Variants in TG observed in about 807,000 individuals in gnomAD.
The protein encoded by TG is thyroglobulin.
In TG, 270 loss-of-function variants were observed where a neutral mutation model predicts 324.7. That is an observed-to-expected ratio of 0.83 (90% CI 0.75 to 0.92). The LOEUF is 0.92. Among genes scored for constraint, TG ranks in the 40% least tolerant of loss-of-function variants. The probability of loss-of-function intolerance (pLI) is 0.00; values close to 1 mark genes in which losing one functional copy is unlikely to be tolerated. For missense variants in TG, 3,591 were observed against 3,456.4 expected, an observed-to-expected ratio of 1.04 and a Z score of -0.98; for synonymous variants, 1,401 against 1,327.0, an observed-to-expected ratio of 1.06 and a Z score of -1.21.
At chr8:132,868,284 C>A in intron 2 of TG, 61 bp downstream of exon 2, 1 of 1,463,876 alleles carries the variant, frequency 6.8e-7, no homozygotes. Context: ...GCATCTTGTG[C>A]CTTCCCCCCT....
intron 22 of TG, among the ~76,000 whole-genome samples, chr8:132,925,940 G>C (rs1821807796): frequency 6.6e-6 from 1 of 152,210 alleles, no homozygotes; most frequent in Non-Finnish European, 1.5e-5. Flanking sequence ...CTTTGATGAT[G>C]CCTCCCTGAG....
Position 132,867,015 on chromosome 8 carries a change from G to A in TG, c.15G>A (p.Leu5=). Residue 5 remains leucine (L), a synonymous_variant, in exon 1 of 48, where the codon CTG becomes CTA. Transcript: ENST00000220616. MALV[L]EIFTLLASIC... Reference sequence around the variant, plus strand: ...GGGCCAGGAAAATGGCCCTGGTCCTGGAGATCTTCACCCTGCTGGCCTCCA... The same window carrying A: ...GGGCCAGGAAAATGGCCCTGGTCCTAGAGATCTTCACCCTGCTGGCCTCCA... 1 of 1,598,790 alleles carries A rather than the reference G, an allele frequency of 6.3e-7. No homozygotes were observed. Among genetic ancestry groups the A allele is most frequent in the Non-Finnish European group, 8.5e-7 (1 of 1,171,422 alleles).
At chr8:133,012,786 G>A (rs1185143728) in intron 36 of TG, among the ~76,000 whole-genome samples, 4 of 152,216 alleles carry the variant, frequency 2.6e-5, no homozygotes, top group Admixed American at 2.6e-4. Flanking sequence ...ACCTCTGGGT[G>A]GTACCATTCA....
chr8:132,952,040 C>G (rs942416145), intron 27 of TG, among the ~76,000 whole-genome samples: 1 of 152,200 alleles, frequency 6.6e-6, no homozygotes, highest in African/African-American at 2.4e-5. Flanking sequence ...GGACTGGCCT[C>G]TTCATCCCAG....
intron 18 of TG, 47 bp from the exon 19 acceptor site, chr8:132,911,330 G>A (rs2132375879): frequency 6.2e-7 from 1 of 1,614,056 alleles, no homozygotes; most frequent in Non-Finnish European, 8.5e-7. Context: ...AACAAAACTA[G>A]CTTTCTACTC....
intron 46 of TG, 32 bp from the exon 47 acceptor site, chr8:133,133,438 T>C: frequency 6.2e-7 from 1 of 1,605,700 alleles, no homozygotes; most frequent in Non-Finnish European, 8.5e-7. Flanking sequence ...CAAATTTCCC[T>C]CATGGATATT....
At chr8:133,038,775 A>G in intron 41 of TG, 4 of 1,451,538 alleles carry the variant, frequency 2.8e-6, no homozygotes, top group Non-Finnish European at 3.9e-6. Context: ...GAAAGGGAAA[A>G]AAAGAGAGTC....
At chr8:133,058,782 C>T (rs549962270) in intron 41 of TG, among the ~76,000 whole-genome samples, 1 of 152,358 alleles carries the variant, frequency 6.6e-6, no homozygotes, top group Admixed American at 6.5e-5. Context: ...TGCTCTGTTC[C>T]ACCTTGTCAT....
At chr8:133,075,487 G>A (rs930719460) in intron 41 of TG, among the ~76,000 whole-genome samples, 20 of 152,216 alleles carry the variant, frequency 1.3e-4, no homozygotes, top group African/African-American at 4.3e-4. Context: ...TGAGATGGCA[G>A]TTGTTTGAAT....
At chr8:133,002,940 G>A in intron 35 of TG, 1 of 970,162 alleles carries the variant, frequency 1.0e-6, no homozygotes, top group Non-Finnish European at 1.2e-6. Flanking sequence ...TTTGAACAGT[G>A]CCCATTCCCT....
chr8:133,041,382 G>T (rs1184859830), intron 41 of TG, among the ~76,000 whole-genome samples: 2 of 152,204 alleles, frequency 1.3e-5, no homozygotes, highest in African/African-American at 4.8e-5. Flanking sequence ...GGAAGACCTC[G>T]TTTCATGGTT....
intron 27 of TG, among the ~76,000 whole-genome samples, chr8:132,953,730 A>T (rs1227831928): frequency 3.3e-5 from 5 of 152,128 alleles, no homozygotes; most frequent in Admixed American, 1.3e-4. Flanking sequence ...AGAATATGAG[A>T]TTTTGCTTCA....
chr8:132,999,808 A>T (rs1833275751), intron 35 of TG, among the ~76,000 whole-genome samples: 1 of 152,234 alleles, frequency 6.6e-6, no homozygotes, highest in Non-Finnish European at 1.5e-5. Flanking sequence ...CTCAGTGAGC[A>T]GAAGGTCACT....
chr8:133,039,118 A>T (rs1233193623), intron 41 of TG, among the ~76,000 whole-genome samples: 2 of 152,196 alleles, frequency 1.3e-5, no homozygotes, highest in Admixed American at 6.5e-5. Flanking sequence ...ACCTTAGGTG[A>T]TCTGCCCACC....
rs868317051 is a variant in TG at position 132,882,610 on chromosome 8, G to A, written c.887G>A (p.Arg296Gln). The A allele has an allele frequency of 2.5e-6, 4 of 1,614,220 alleles. No individual in the cohort carries two copies. The highest frequency in any genetic ancestry group is 2.2e-5 in the East Asian group (1 of 44,882). ...CAATCAGTCATCTCTGGCAGATTCC[G>A]ATGTAAGTAATAAACTGCCAACAAT... The part of the protein sequence containing the change: ...AVQSVISGRF[R>Q]CPTKCEVERF... The change falls in exon 7 of 48, where the codon CGA (arginine) becomes CAA (glutamine). Residue 296 changes from arginine (R) to glutamine (Q), a missense_variant and splice_region_variant. By Grantham distance (43) the Arg-to-Gln change is conservative (BLOSUM62 1). Transcript: ENST00000220616.
rs530059018 is a variant in TG at position 133,116,786 on chromosome 8, G to A, written c.7862+70G>A. On this transcript the variant is annotated intron_variant, in intron 45 of 47. Transcript: ENST00000220616. Reference sequence around the variant, plus strand: ...GATAAGTCCCAGTTCGATGACATGGGACACACCACTTAACCCCTCTAAGCC... The same window carrying A: ...GATAAGTCCCAGTTCGATGACATGGAACACACCACTTAACCCCTCTAAGCC... 25 of 1,295,388 alleles carry A rather than the reference G, an allele frequency of 1.9e-5. No homozygotes were observed. The South Asian group carries it at 2.2e-4, about 11-fold the overall frequency. 80.2% of individuals were successfully genotyped at this position (1,295,388 alleles called of 1,614,324 possible). A position where few individuals can be genotyped will look rare whatever the true frequency, so the allele number is the denominator to read the frequency against.
chr8:133,103,891 C>T (rs181215130), intron 43 of TG, among the ~76,000 whole-genome samples: 1 of 152,318 alleles, frequency 6.6e-6, no homozygotes, highest in East Asian at 1.9e-4. Flanking sequence ...TTCATGTTCT[C>T]ATGAAAGGAC....
intron 16 of TG, among the ~76,000 whole-genome samples, chr8:132,905,662 G>C (rs1818567849): frequency 6.6e-6 from 1 of 152,106 alleles, no homozygotes; most frequent in Non-Finnish European, 1.5e-5. Context: ...GCCTTGGCCT[G>C]GGTGAACAGA....
chr8:133,029,148 A>G (rs892068604), intron 40 of TG, among the ~76,000 whole-genome samples: 2 of 152,166 alleles, frequency 1.3e-5, no homozygotes, highest in African/African-American at 4.8e-5. Context: ...TCACAAGACA[A>G]CGAGAAGTGT....
Sources: allele counts gnomAD v4.1 joint callset (sites outside exome capture counted in the v4.1 genomes callset), GRCh38; gene constraint gnomAD v4.1.1; transcripts MANE v1.5; gene names NCBI Gene and HGNC (gene_info 2026-07-23, HGNC 2026-07-21).